Variants in FKBP5 observed in about 807,000 individuals in gnomAD.
FKBP5 encodes peptidyl-prolyl cis-trans isomerase FKBP5.
FKBP5 carries 23 observed loss-of-function variants against 50.5 expected under a neutral mutation model. The observed-to-expected ratio is 0.46, with a 90% confidence interval of 0.33 to 0.65. The LOEUF is 0.65. Among genes scored for constraint, FKBP5 ranks in the 30% least tolerant of loss-of-function variants. The pLI, the probability that FKBP5 is intolerant of heterozygous loss-of-function variation, is 0.02. For missense variants in FKBP5, 411 were observed against 553.1 expected, an observed-to-expected ratio of 0.74 and a Z score of 2.58; for synonymous variants, 176 against 190.6, an observed-to-expected ratio of 0.92 and a Z score of 0.63.
At chr6:35,595,177 C>A (rs898859221) in intron 6 of FKBP5, among the ~76,000 whole-genome samples, 1 of 152,172 alleles carries the variant, frequency 6.6e-6, no homozygotes, top group Non-Finnish European at 1.5e-5. Context: ...ACTAATGATA[C>A]AACAAACAGT....
intron 8 of FKBP5, chr6:35,583,726 T>C: frequency 5.2e-6 from 5 of 957,162 alleles, no homozygotes; most frequent in Non-Finnish European, 6.2e-6. Flanking sequence ...TCAAGAATTA[T>C]CCCACTCCAA....
At chr6:35,586,428 C>A (rs1762600686) in intron 8 of FKBP5, 1 of 985,184 alleles carries the variant, frequency 1.0e-6, no homozygotes, top group Admixed American at 6.2e-5. Flanking sequence ...TGTGCATGTC[C>A]TCTCTCCTTT....
At chr6:35,615,781 A>ATGTGT (rs1763634982) in intron 5 of FKBP5, among the ~76,000 whole-genome samples, 1 of 152,202 alleles carries the variant, frequency 6.6e-6, no homozygotes, top group African/African-American at 2.4e-5. Flanking sequence ...CACTCCTAAT[A>ATGTGT]CTTTTTAATT....
At chr6:35,712,042 TAA>T (rs71002597) in intron 2 of FKBP5, among the ~76,000 whole-genome samples, 18 of 128,258 alleles carry the variant, frequency 1.4e-4, no homozygotes, top group Admixed American at 1.6e-4. Context: ...CTGGGCTAAT[TAA>T]AAAAAAAAAA....
chr6:35,725,252 G>C (rs577713934), intron 1 of FKBP5, among the ~76,000 whole-genome samples: 1 of 152,216 alleles, frequency 6.6e-6, no homozygotes, highest in Non-Finnish European at 1.5e-5. Context: ...TCCCTGCCGC[G>C]AGGCCCCCAC....
At chr6:35,671,819 C>T (rs1413378555) in intron 1 of FKBP5, among the ~76,000 whole-genome samples, 1 of 151,864 alleles carries the variant, frequency 6.6e-6, no homozygotes, top group Admixed American at 6.6e-5. Flanking sequence ...CTAAGAGAAA[C>T]CTACACACAC....
At chr6:35,641,794 C>G (rs943264561) in intron 2 of FKBP5, among the ~76,000 whole-genome samples, 1 of 152,028 alleles carries the variant, frequency 6.6e-6, no homozygotes, top group African/African-American at 2.4e-5. Context: ...CACCTGAGGT[C>G]AGGAGTTCAA....
At chr6:35,646,252 A>T (rs1302200236) in intron 1 of FKBP5, among the ~76,000 whole-genome samples, 1 of 152,234 alleles carries the variant, frequency 6.6e-6, no homozygotes, top group East Asian at 1.9e-4. Flanking sequence ...ATCCCATTTG[A>T]TAAAGGAATT....
At chr6:35,609,317 A>G (rs1208512210) in intron 5 of FKBP5, among the ~76,000 whole-genome samples, 1 of 152,244 alleles carries the variant, frequency 6.6e-6, no homozygotes, top group African/African-American at 2.4e-5. Context: ...GTTCTCATAC[A>G]TAAATGACAG....
At chr6:35,724,885 C>T (rs1325978705) in intron 1 of FKBP5, among the ~76,000 whole-genome samples, 1 of 152,140 alleles carries the variant, frequency 6.6e-6, no homozygotes, top group African/African-American at 2.4e-5. Flanking sequence ...AGCACCCACA[C>T]CCCAGAATTG....
intron 2 of FKBP5, among the ~76,000 whole-genome samples, chr6:35,698,604 G>A (rs763740033): frequency 3.3e-5 from 5 of 151,862 alleles, no homozygotes; most frequent in Admixed American, 1.3e-4. Flanking sequence ...CCAAGATTGC[G>A]CCACTGCATT....
intron 2 of FKBP5, among the ~76,000 whole-genome samples, chr6:35,697,973 A>G (rs1766112985): frequency 6.6e-6 from 1 of 152,258 alleles, no homozygotes. Context: ...GCTTTAAGCA[A>G]CAACTATCAT....
At chr6:35,623,771 A>T (rs1763917767) in intron 3 of FKBP5, among the ~76,000 whole-genome samples, 1 of 149,278 alleles carries the variant, frequency 6.7e-6, no homozygotes, top group South Asian at 2.1e-4. Context: ...TTTTTTGTAG[A>T]CAGTCTCACC....
chr6:35,619,106 T>C lies in FKBP5; in HGVS notation c.498A>G (p.Ala166=). The change falls in exon 5 of 11, where the codon GCA becomes GCG. Residue 166 remains alanine (A), a synonymous_variant. Coordinates refer to ENST00000357266, the MANE Select transcript of FKBP5 (RefSeq NM_004117.4). The part of the protein sequence containing the change: ...GEGYSNPNEG[A]TVEIHLEGRC... ...TACTTTAATACTTACTTTCTACTGT[T>C]GCTCCTTCGTTTGGATTTGAATATC... The C allele has an allele frequency of 6.2e-6, 10 of 1,611,284 alleles. No homozygotes were observed. Among genetic ancestry groups the C allele is most frequent in the Non-Finnish European group, 7.6e-6 (9 of 1,177,446 alleles).
At chr6:35,665,764 C>T (rs965804220) in intron 1 of FKBP5, among the ~76,000 whole-genome samples, 8 of 152,160 alleles carry the variant, frequency 5.3e-5, no homozygotes, top group Admixed American at 2.0e-4. Flanking sequence ...CAGTCCCCAA[C>T]TTATGGTTTG....
rs1561894044 is a variant in FKBP5 at position 35,684,256 on chromosome 6, G to A, written c.-20+4548C>T. ...TACAATGGCTTAATCACCGCTCACT[G>A]CAGCCTCAACCTCCCAGGCTCAAGT... On this transcript the variant is annotated intron_variant, in intron 1 of 10. Transcript: ENST00000357266. 3.3e-5 allele frequency among the ~76,000 whole-genome samples: 5 copies of A among 150,202 alleles called. No individual in the cohort carries two copies. The East Asian group carries it at 9.8e-4, about 30-fold the overall frequency.
At chr6:35,723,004 C>T (rs929821415) in intron 1 of FKBP5, among the ~76,000 whole-genome samples, 2 of 152,224 alleles carry the variant, frequency 1.3e-5, no homozygotes, top group South Asian at 2.1e-4. Flanking sequence ...GAGGCCAAGG[C>T]GGGCGGATCA....
chr6:35,603,019 G>A (rs1008787861), intron 5 of FKBP5, among the ~76,000 whole-genome samples: 7 of 152,116 alleles, frequency 4.6e-5, no homozygotes, highest in African/African-American at 1.4e-4. Flanking sequence ...ATGACTTTGG[G>A]CAAGGTAATT....
At position 35,574,808 on chromosome 6, in the gene FKBP5, G is replaced by A. The variant is rs540835207; in HGVS notation, c.*1027C>T. 5 of 152,630 alleles carry A rather than the reference G, an allele frequency of 3.3e-5. No individual in the cohort carries two copies. The South Asian group carries it at 1.0e-3, about 32-fold the overall frequency. The allele number at this position is 152,630 out of a possible 1,614,324, so 9.5% of individuals were successfully genotyped here. On this transcript the variant is annotated 3_prime_UTR_variant, in exon 11 of 11. Transcript: ENST00000357266. Reference sequence around the variant, plus strand: ...CATAAACCAGTATACATATGCTTATGAGCCAATAATCTTAAAAAGACAAAA... The same window carrying A: ...CATAAACCAGTATACATATGCTTATAAGCCAATAATCTTAAAAAGACAAAA...
Sources: gnomAD v4.1 joint callset for allele counts (sites outside exome capture counted in the v4.1 genomes callset) on GRCh38, gnomAD v4.1.1 for gene constraint, MANE v1.5 for transcripts, NCBI Gene and HGNC (gene_info 2026-07-23, HGNC 2026-07-21) for gene names.